Variants in ROR1 observed in about 807,000 individuals in gnomAD.
ROR1 encodes inactive tyrosine-protein kinase transmembrane receptor ROR1.
Under a neutral mutation model 78.8 loss-of-function variants are expected in ROR1, and 19 were observed. That is an observed-to-expected ratio of 0.24 (90% confidence interval 0.17 to 0.35). The LOEUF is 0.35. ROR1 is among the 10% of genes least tolerant of loss of function. The pLI is 1.00. For missense variants in ROR1, 917 were observed against 1,177.8 expected (o/e 0.78, Z 3.24); for synonymous variants, 386 against 433.6 (o/e 0.89, Z 1.36).
intron 4 of ROR1, among the ~76,000 whole-genome samples, chr1:64,087,092 A>G (rs1647161187): frequency 6.6e-6 from 1 of 152,242 alleles, no homozygotes; most frequent in Non-Finnish European, 1.5e-5. Flanking sequence ...TATGATATAC[A>G]TGATACATAA....
intron 4 of ROR1, among the ~76,000 whole-genome samples, chr1:64,129,686 A>T (rs1365080083): frequency 6.6e-6 from 1 of 152,136 alleles, no homozygotes. Context: ...GTAAAAAATC[A>T]CTCATTCTTT....
intron 1 of ROR1, among the ~76,000 whole-genome samples, chr1:63,956,946 T>C (rs2100478975): frequency 6.6e-6 from 1 of 152,252 alleles, no homozygotes; most frequent in Middle Eastern, 3.4e-3. Context: ...TAACTACTTT[T>C]CCCCAAGTGC....
chr1:63,926,565 T>TGGGGGG (rs1387800351), intron 1 of ROR1, among the ~76,000 whole-genome samples: 2 of 136,972 alleles, frequency 1.5e-5, no homozygotes, highest in African/African-American at 5.5e-5. Flanking sequence ...GGTAGCTTGA[T>TGGGGGG]GGGGATGGCA....
intron 1 of ROR1, among the ~76,000 whole-genome samples, chr1:63,831,297 C>A (rs1557517375): frequency 6.6e-6 from 1 of 152,232 alleles, no homozygotes; most frequent in South Asian, 2.1e-4. Context: ...TCCCCCTCTG[C>A]CTGCCCTAGT....
Position 63,774,525 on chromosome 1 carries a change from G to C in ROR1, c.91+17G>C, listed in dbSNP as rs1342274962. On this transcript the variant is annotated intron_variant, in intron 1 of 8. Coordinates refer to ENST00000371079, the MANE Select transcript of ROR1 (RefSeq NM_005012.4). This position sits in a 1 kb window ranked among gnomAD's most constrained non-coding sequence, Gnocchi z 5.7. ...CTGCCCAAGGTAAGAGGCGCCCGCC[G>C]GCCCCCGCCCGCCCAGACCCCCTGA... 1 of 1,101,040 alleles carries C rather than the reference G, an allele frequency of 9.1e-7. No individual in the cohort carries two copies. Among genetic ancestry groups the C allele is most frequent in the Non-Finnish European group, 1.1e-6 (1 of 906,156 alleles). 68.2% of individuals were successfully genotyped at this position (1,101,040 alleles called of 1,614,324 possible). A position where few individuals can be genotyped will look rare whatever the true frequency, so the allele number is the denominator to read the frequency against.
At chr1:64,122,730 C>T (rs1398806829) in intron 4 of ROR1, among the ~76,000 whole-genome samples, 1 of 152,202 alleles carries the variant, frequency 6.6e-6, no homozygotes, top group Admixed American at 6.5e-5. Context: ...ACGATGTTCT[C>T]ATTTCCCTGG....
At position 64,050,794 on chromosome 1, in the gene ROR1, C is replaced by T. The variant is rs1156580932; in HGVS notation, c.482+78C>T. 8 of 1,385,866 alleles carry T rather than the reference C, an allele frequency of 5.8e-6. No homozygotes were observed. The East Asian group carries it at 1.1e-4, about 20-fold the overall frequency. 85.8% of individuals were successfully genotyped at this position (1,385,866 alleles called of 1,614,324 possible). Reference sequence around the variant, plus strand: ...TCTAGGGCAAAAGCAATGTTGTCCTCTTCTTAAGCCAAAATACTGGCTTCC... The same window carrying T: ...TCTAGGGCAAAAGCAATGTTGTCCTTTTCTTAAGCCAAAATACTGGCTTCC... On this transcript the variant is annotated intron_variant, in intron 4 of 8. Transcript: ENST00000371079.
chr1:64,077,156 A>C (rs879841422), intron 4 of ROR1, among the ~76,000 whole-genome samples: 2 of 152,240 alleles, frequency 1.3e-5, no homozygotes, highest in Non-Finnish European at 2.9e-5. Flanking sequence ...TTTCCCATAG[A>C]AACTGCAAAT....
chr1:64,038,040 C>T (rs1646717046), intron 2 of ROR1, among the ~76,000 whole-genome samples: 1 of 152,148 alleles, frequency 6.6e-6, no homozygotes. Context: ...TTACCTCTTT[C>T]CTTGTTCTGA....
intron 1 of ROR1, among the ~76,000 whole-genome samples, chr1:63,924,781 T>C (rs1236503321): frequency 6.6e-6 from 1 of 152,108 alleles, no homozygotes; most frequent in East Asian, 1.9e-4. Context: ...GGGAGCATTT[T>C]GTAGGAGGCC....
chr1:64,008,618 G>A (rs1347804912), intron 1 of ROR1, among the ~76,000 whole-genome samples: 3 of 151,996 alleles, frequency 2.0e-5, no homozygotes, highest in Non-Finnish European at 4.4e-5. Context: ...ATCCTTGCCA[G>A]CATCTGTTAT....
chr1:64,118,595 T>C (rs1466277797), intron 4 of ROR1, among the ~76,000 whole-genome samples: 1 of 127,588 alleles, frequency 7.8e-6, no homozygotes, highest in Non-Finnish European at 1.5e-5. Flanking sequence ...ATTGCGCCAC[T>C]GCACTCCAGC....
chr1:63,801,349 C>A (rs1339320941), intron 1 of ROR1, among the ~76,000 whole-genome samples: 8 of 152,052 alleles, frequency 5.3e-5, no homozygotes, highest in Admixed American at 5.2e-4. Context: ...GGCTGGAGAG[C>A]AGTGGCATGA....
intron 8 of ROR1, among the ~76,000 whole-genome samples, chr1:64,176,007 C>T (rs1317731925): frequency 6.6e-6 from 1 of 152,148 alleles, no homozygotes; most frequent in African/African-American, 2.4e-5. Context: ...ATGTAAAATG[C>T]ATTGTTTTTA....
At chr1:64,045,344 C>T (rs950748899) in intron 2 of ROR1, among the ~76,000 whole-genome samples, 3 of 151,836 alleles carry the variant, frequency 2.0e-5, no homozygotes, top group Admixed American at 1.3e-4. Flanking sequence ...AAAAAAAATG[C>T]CACTTTTCTC....
chr1:63,878,527 A>G (rs1262126022), intron 1 of ROR1, among the ~76,000 whole-genome samples: 1 of 151,208 alleles, frequency 6.6e-6, no homozygotes, highest in African/African-American at 2.4e-5. Context: ...TCTGATCATG[A>G]GCTTTCTTGG....
chr1:63,949,642 A>C (rs1157156216), intron 1 of ROR1, among the ~76,000 whole-genome samples: 1 of 152,144 alleles, frequency 6.6e-6, no homozygotes, highest in African/African-American at 2.4e-5. Context: ...ATGTGTCTGG[A>C]AAGTGCCATA....
At chr1:63,884,184 C>A (rs1423066251) in intron 1 of ROR1, among the ~76,000 whole-genome samples, 2 of 152,144 alleles carry the variant, frequency 1.3e-5, no homozygotes, top group African/African-American at 4.8e-5. Flanking sequence ...CTCTTCGTAC[C>A]CCTTTGATGT....
rs547659636 is a variant in ROR1 at position 64,095,603 on chromosome 1, G to A, written c.483-41766G>A. Among the ~76,000 whole-genome samples the A allele has an allele frequency of 3.9e-5, 6 of 152,278 alleles. No individual in the cohort carries two copies. The South Asian group carries it at 1.0e-3, about 26-fold the overall frequency. On this transcript the variant is annotated intron_variant, in intron 4 of 8. Coordinates refer to ENST00000371079, the MANE Select transcript of ROR1 (RefSeq NM_005012.4). ...TTATTTAGGTGGTAGTTACAGAGCTGTGTTCACTTTGCAAAAATTAATTGA... is the reference window on the plus strand; with the variant it reads ...TTATTTAGGTGGTAGTTACAGAGCTATGTTCACTTTGCAAAAATTAATTGA...
Sources: allele counts gnomAD v4.1 joint callset (sites outside exome capture counted in the v4.1 genomes callset), GRCh38; gene constraint gnomAD v4.1.1; non-coding constraint Gnocchi (gnomAD v3.1); transcripts MANE v1.5; gene names NCBI Gene and HGNC (gene_info 2026-07-23, HGNC 2026-07-21).